TRPC4: variants seen among roughly 807,000 people sequenced by gnomAD.
TRPC4 encodes transient receptor potential cation channel subfamily C member 4.
In TRPC4, 49 loss-of-function variants were observed where a neutral mutation model predicts 99.4. The ratio of observed to expected loss-of-function variants is 0.49; its 90% confidence interval spans 0.39 to 0.63. The LOEUF is 0.63. TRPC4 is among the 20% of genes least tolerant of loss of function. The pLI, the probability that TRPC4 is intolerant of heterozygous loss-of-function variation, is 0.00. For missense variants in TRPC4, 898 were observed against 1,152.9 expected, an observed-to-expected ratio of 0.78 and a Z score of 3.20; for synonymous variants, 454 against 425.9, an observed-to-expected ratio of 1.07 and a Z score of -0.81.
At chr13:37,825,300 C>G (rs1958169241) in intron 1 of TRPC4, among the ~76,000 whole-genome samples, 1 of 150,462 alleles carries the variant, frequency 6.6e-6, no homozygotes, top group African/African-American at 2.4e-5. Flanking sequence ...TTAGTTATTT[C>G]TTGCCTTCTG....
At chr13:37,683,963 A>G (rs1009496310) in intron 4 of TRPC4, among the ~76,000 whole-genome samples, 2 of 152,212 alleles carry the variant, frequency 1.3e-5, no homozygotes, top group South Asian at 4.1e-4. Context: ...TCATTCGGGA[A>G]CAAGGAAAGG....
intron 3 of TRPC4, among the ~76,000 whole-genome samples, chr13:37,728,028 G>A (rs1955119276): frequency 6.6e-6 from 1 of 151,980 alleles, no homozygotes; most frequent in Admixed American, 6.6e-5. Context: ...AATTAGGCAT[G>A]GAAGGAAATT....
At chr13:37,691,822 G>C (rs1451338727) in intron 4 of TRPC4, among the ~76,000 whole-genome samples, 177 bp downstream of exon 4, 2 of 152,146 alleles carry the variant, frequency 1.3e-5, no homozygotes, top group African/African-American at 4.8e-5. Flanking sequence ...TTGTAAGCGG[G>C]TCCACCGCAG....
intron 2 of TRPC4, among the ~76,000 whole-genome samples, chr13:37,776,690 T>C (rs756273035): frequency 2.6e-5 from 4 of 151,952 alleles, no homozygotes; most frequent in Non-Finnish European, 5.9e-5. Flanking sequence ...TGGTATACAA[T>C]GTCATTTAAT....
At chr13:37,659,849 T>C (rs768963249) in intron 6 of TRPC4, among the ~76,000 whole-genome samples, 2 of 152,044 alleles carry the variant, frequency 1.3e-5, no homozygotes, top group Non-Finnish European at 2.9e-5. Flanking sequence ...TGTAAGTTTC[T>C]GGGTGGATTG....
chr13:37,746,288 C>A lies in TRPC4; in HGVS notation c.546G>T (p.Val182=). Reference sequence around the variant, plus strand: ...GGAGGCTGTCCACATCTGAACTGGACACGCATTCCACACAGTTACAGCGGA... The same window carrying A: ...GGAGGCTGTCCACATCTGAACTGGAAACGCATTCCACACAGTTACAGCGGA... ...HEVRCNCVEC[V]SSSDVDSLRH... The change falls in exon 3 of 11, where the codon GTG becomes GTT. Residue 182 remains valine (V), a synonymous_variant. Coordinates refer to ENST00000379705, the MANE Select transcript of TRPC4 (RefSeq NM_016179.4). 1 of 1,613,844 alleles carries A rather than the reference C, an allele frequency of 6.2e-7. No individual in the cohort carries two copies. The highest frequency in any genetic ancestry group is 8.5e-7 in the Non-Finnish European group (1 of 1,179,868).
chr13:37,671,961 A>G (rs1239353844), intron 5 of TRPC4, among the ~76,000 whole-genome samples: 1 of 152,210 alleles, frequency 6.6e-6, no homozygotes, highest in Non-Finnish European at 1.5e-5. Context: ...GGTCATCTTC[A>G]TCTGCAGTAA....
At chr13:37,684,590 G>A (rs1035197147) in intron 4 of TRPC4, among the ~76,000 whole-genome samples, 6 of 151,892 alleles carry the variant, frequency 4.0e-5, no homozygotes, top group Non-Finnish European at 5.9e-5. Flanking sequence ...AGGAAGACAA[G>A]GAATAAATAT....
rs1469803379 is a variant in TRPC4 at position 37,634,723 on chromosome 13, A to C, written c.*2180T>G. Among the ~76,000 whole-genome samples, 1 of 152,162 alleles carries C rather than the reference A, an allele frequency of 6.6e-6. No homozygotes were observed. The highest frequency in any genetic ancestry group is 1.5e-5 in the Non-Finnish European group (1 of 68,010). On this transcript the variant is annotated 3_prime_UTR_variant, in exon 11 of 11. Coordinates refer to ENST00000379705, the MANE Select transcript of TRPC4 (RefSeq NM_016179.4). ...TAAAACAACAACGCACAAGAGAGGCAAAAAGAAATTAATAGAAAATATCCC... is the reference window on the plus strand; with the variant it reads ...TAAAACAACAACGCACAAGAGAGGCCAAAAGAAATTAATAGAAAATATCCC...
chr13:37,682,795 G>C (rs1379883583), intron 4 of TRPC4, among the ~76,000 whole-genome samples: 1 of 152,092 alleles, frequency 6.6e-6, no homozygotes, highest in Non-Finnish European at 1.5e-5. Context: ...CTGTTTCCCA[G>C]GCTGCAGTGT....
intron 1 of TRPC4, among the ~76,000 whole-genome samples, chr13:37,803,424 A>G (rs1291522046): frequency 6.6e-6 from 1 of 151,992 alleles, no homozygotes; most frequent in Non-Finnish European, 1.5e-5. Flanking sequence ...TTTTTTTCCC[A>G]TCTATTTGTG....
intron 1 of TRPC4, among the ~76,000 whole-genome samples, chr13:37,836,924 C>T (rs1187721848): frequency 1.3e-5 from 2 of 152,160 alleles, no homozygotes; most frequent in Non-Finnish European, 2.9e-5. Flanking sequence ...TGGGCCAGGC[C>T]CAGAGTCGCT....
At chr13:37,801,441 G>T (rs535079150) in intron 1 of TRPC4, among the ~76,000 whole-genome samples, 1 of 152,116 alleles carries the variant, frequency 6.6e-6, no homozygotes, top group African/African-American at 2.4e-5. Flanking sequence ...GTTTAAATTG[G>T]GTGTGAGGGC....
chr13:37,648,376 A>G, intron 8 of TRPC4, among the ~76,000 whole-genome samples: 1 of 152,200 alleles, frequency 6.6e-6, no homozygotes, highest in East Asian at 1.9e-4. Context: ...TTGGAAATGC[A>G]GTATGGAGAA....
At chr13:37,763,379 T>C (rs1049443755) in intron 2 of TRPC4, among the ~76,000 whole-genome samples, 10 of 151,546 alleles carry the variant, frequency 6.6e-5, no homozygotes, top group Admixed American at 2.0e-4. Context: ...ATTGGTTCTA[T>C]TTTCTTAGTA....
intron 2 of TRPC4, among the ~76,000 whole-genome samples, chr13:37,767,781 C>T (rs1309820472): frequency 6.6e-6 from 1 of 151,270 alleles, no homozygotes; most frequent in East Asian, 2.0e-4. Context: ...CTACCATATT[C>T]ATCCATCTAC....
At chr13:37,745,455 TATATATATATATATATATACAC>T (rs1218393412) in intron 3 of TRPC4, among the ~76,000 whole-genome samples, 228 of 6,958 alleles carry the variant, frequency 0.033, 1 homozygote, top group Non-Finnish European at 0.14. Flanking sequence ...TATATATATA[TATATATATATATATATATACAC>T]ACACACACAC....
At chr13:37,668,829 T>C (rs1340863505) in intron 5 of TRPC4, among the ~76,000 whole-genome samples, 1 of 152,188 alleles carries the variant, frequency 6.6e-6, no homozygotes, top group Non-Finnish European at 1.5e-5. Flanking sequence ...GTGAAATCTT[T>C]TCCCTTTCTA....
intron 3 of TRPC4, among the ~76,000 whole-genome samples, chr13:37,726,321 A>C (rs181014671): frequency 1.6e-4 from 25 of 152,302 alleles, no homozygotes; most frequent in African/African-American, 6.0e-4. Context: ...ATAATGTATA[A>C]AGATAATTTT....
Sources: allele counts gnomAD v4.1 joint callset (sites outside exome capture counted in the v4.1 genomes callset), GRCh38; gene constraint gnomAD v4.1.1; transcripts MANE v1.5; gene names NCBI Gene and HGNC (gene_info 2026-07-23, HGNC 2026-07-21).